The following NTM variants were observed in gnomAD, a reference collection of about 807,000 sequenced individuals.
NTM encodes the protein neurotrimin, also known as IgLON family member 2.
In NTM, 13 loss-of-function variants were observed where a neutral mutation model predicts 42.1. That is an observed-to-expected ratio of 0.31 (90% CI 0.20 to 0.49). The LOEUF (loss-of-function observed/expected upper bound fraction) is 0.49, where lower values mean the gene tolerates loss of function less well. NTM is among the 20% of genes least tolerant of loss of function. The pLI is 0.99. For synonymous variants in NTM, 187 were observed against 179.2 expected (o/e 1.04, Z -0.35); for missense variants, 373 against 452.8 (o/e 0.82, Z 1.60).
At chr11:132,318,201 TG>T (rs939093141) in intron 7 of NTM, among the ~76,000 whole-genome samples, 2 of 152,168 alleles carry the variant, frequency 1.3e-5, no homozygotes, top group African/African-American at 4.8e-5. Context: ...GGGGTGCTAC[TG>T]GGGTCCAGGT....
chr11:131,944,513 C>T (rs2060145552), intron 2 of NTM, among the ~76,000 whole-genome samples: 1 of 152,170 alleles, frequency 6.6e-6, no homozygotes, highest in African/African-American at 2.4e-5. Flanking sequence ...GTAATCTCAG[C>T]ATTTTGCCCT....
chr11:131,772,331 A>T (rs1191224865), intron 1 of NTM, among the ~76,000 whole-genome samples: 2 of 152,202 alleles, frequency 1.3e-5, no homozygotes, highest in African/African-American at 2.4e-5. Context: ...TGAATGTGGG[A>T]GGCACCAACA....
intron 1 of NTM, among the ~76,000 whole-genome samples, chr11:131,789,484 GAAGAAGAGGAAAGAA>G: frequency 1.1e-4 from 1 of 9,090 alleles, no homozygotes; most frequent in East Asian, 2.6e-3. Flanking sequence ...AGAAGAAGAA[GAAGAAGAGGAAAGAA>G]GAAGAAGAAG....
rs374807343 is a variant in NTM, at chr11:131,689,034, G to C, written c.83-222530G>C. Among the ~76,000 whole-genome samples the C allele has an allele frequency of 1.1e-3, 171 of 151,408 alleles. 1 individual carries two copies. The highest frequency in any genetic ancestry group is 4.0e-3 in the African/African-American group (162 of 40,690). ...GTTAGTTTTAATTTTACACGTGCAT[G>C]CCTTCAGTGAAAACGAGAGCTACCA... On this transcript the variant is annotated intron_variant, in intron 1 of 8. Transcript: ENST00000683400.
chr11:131,883,451 C>T (rs1406536910), intron 1 of NTM, among the ~76,000 whole-genome samples: 1 of 152,128 alleles, frequency 6.6e-6, no homozygotes, highest in African/African-American at 2.4e-5. Context: ...TTCTCAGACA[C>T]CTTTGAGTTA....
intron 1 of NTM, among the ~76,000 whole-genome samples, chr11:131,655,852 C>A (rs902970519): frequency 3.9e-5 from 6 of 152,252 alleles, no homozygotes; most frequent in African/African-American, 1.4e-4. Flanking sequence ...CTGGAAGACC[C>A]AGAGCAGCAT....
At chr11:132,317,951 G>T (rs563969048) in intron 7 of NTM, among the ~76,000 whole-genome samples, 103 of 152,286 alleles carry the variant, frequency 6.8e-4, no homozygotes, top group African/African-American at 2.4e-3. Context: ...AATGCCCAGG[G>T]ATCAGCACAA....
At chr11:131,881,294 C>A (rs953295526) in intron 1 of NTM, among the ~76,000 whole-genome samples, 1 of 152,048 alleles carries the variant, frequency 6.6e-6, no homozygotes, top group Non-Finnish European at 1.5e-5. Flanking sequence ...TCCTTACCAC[C>A]CTCCTCTCAA....
intron 1 of NTM, among the ~76,000 whole-genome samples, chr11:131,882,550 G>T (rs569576418): frequency 6.6e-6 from 1 of 152,148 alleles, no homozygotes; most frequent in African/African-American, 2.4e-5. Flanking sequence ...AAAATTAACC[G>T]TCACAACATG....
At chr11:132,299,151 T>C (rs57700563) in intron 4 of NTM, among the ~76,000 whole-genome samples, 2,007 of 151,896 alleles carry the variant, frequency 0.013, 51 homozygotes, top group African/African-American at 0.045. Context: ...AAAAATTAGC[T>C]GGGCGTGGTG....
chr11:132,193,483 T>A (rs1475274218), intron 3 of NTM, among the ~76,000 whole-genome samples: 11 of 149,712 alleles, frequency 7.3e-5, no homozygotes, highest in African/African-American at 2.7e-4. Flanking sequence ...GAAAAAAAAA[T>A]AGATCAGAAT....
intron 2 of NTM, among the ~76,000 whole-genome samples, chr11:132,005,970 T>G (rs1169635415): frequency 6.6e-6 from 1 of 152,200 alleles, no homozygotes; most frequent in East Asian, 1.9e-4. Context: ...GTGTTTCAAT[T>G]ATTAGTGTTT....
intron 6 of NTM, among the ~76,000 whole-genome samples, chr11:132,313,298 T>G (rs1430697583): frequency 6.6e-6 from 1 of 151,672 alleles, no homozygotes; most frequent in Non-Finnish European, 1.5e-5. Flanking sequence ...CCTTGAGTAC[T>G]GTTTGTTTTT....
At chr11:131,532,587 G>A (rs967587556) in intron 1 of NTM, among the ~76,000 whole-genome samples, 2 of 152,216 alleles carry the variant, frequency 1.3e-5, no homozygotes, top group African/African-American at 4.8e-5. Context: ...ATACCCAGAA[G>A]TGGAAGAGCA....
At chr11:131,461,647 A>T (rs939433701) in intron 1 of NTM, among the ~76,000 whole-genome samples, 1 of 152,218 alleles carries the variant, frequency 6.6e-6, no homozygotes, top group African/African-American at 2.4e-5. Context: ...ATGGTTAATA[A>T]TAATGCATTG....
At chr11:132,238,590 C>A (rs3099794) in intron 4 of NTM, among the ~76,000 whole-genome samples, 2 of 151,850 alleles carry the variant, frequency 1.3e-5, no homozygotes, top group African/African-American at 4.8e-5. Context: ...GTATGAGAGG[C>A]AGGGCAGCCT....
chr11:131,410,915 A>G (rs1253862691), intron 1 of NTM, among the ~76,000 whole-genome samples: 1 of 152,198 alleles, frequency 6.6e-6, no homozygotes, highest in African/African-American at 2.4e-5. Context: ...AAAGCCTCCC[A>G]GGATGCCCCA....
chr11:131,632,754 A>G (rs1025693615), intron 1 of NTM, among the ~76,000 whole-genome samples: 4 of 130,326 alleles, frequency 3.1e-5, no homozygotes, highest in African/African-American at 1.3e-4. Context: ...CACTCACTGC[A>G]AGCTCCGCCT....
chr11:131,651,899 C>G (rs1302042524), intron 1 of NTM, among the ~76,000 whole-genome samples: 1 of 144,648 alleles, frequency 6.9e-6, no homozygotes, highest in Admixed American at 7.1e-5. Flanking sequence ...ATGGATTCCA[C>G]TCCGGGGGAA....
Sources: allele counts gnomAD v4.1 joint callset (sites outside exome capture counted in the v4.1 genomes callset), GRCh38; gene constraint gnomAD v4.1.1; transcripts MANE v1.5; gene names NCBI Gene and HGNC (gene_info 2026-07-23, HGNC 2026-07-21).